NFIA: variants seen among roughly 807,000 people sequenced by gnomAD.
NFIA encodes the protein nuclear factor 1 A-type.
NFIA carries 8 observed loss-of-function variants against 62.8 expected under a neutral mutation model. The ratio of observed to expected loss-of-function variants is 0.13; its 90% CI spans 0.07 to 0.23. The LOEUF (loss-of-function observed/expected upper bound fraction) is 0.23. Ranked by LOEUF, NFIA falls within the 10% of genes least tolerant of loss-of-function variation. NFIA has a pLI of 1.00. For synonymous variants in NFIA, 235 were observed against 238.1 expected (o/e 0.99, Z 0.12); for missense variants, 410 against 642.1 (o/e 0.64, Z 3.91).
chr1:61,085,192 T>TA (rs968339023), intron 1 of NFIA, among the ~76,000 whole-genome samples: 14 of 151,572 alleles, frequency 9.2e-5, no homozygotes, highest in South Asian at 2.1e-4. Flanking sequence ...GTAGGCAATT[T>TA]AAAAAAAAAC....
intron 2 of NFIA, among the ~76,000 whole-genome samples, chr1:61,258,784 G>A (rs1248543883): frequency 1.3e-5 from 2 of 151,930 alleles, no homozygotes; most frequent in South Asian, 2.1e-4. Flanking sequence ...GCTGGAGTGG[G>A]GTGACATGAT....
At chr1:61,338,945 T>C (rs1325585436) in intron 4 of NFIA, among the ~76,000 whole-genome samples, 3 of 152,212 alleles carry the variant, frequency 2.0e-5, no homozygotes, top group South Asian at 2.1e-4. Flanking sequence ...CAAGATCTTC[T>C]TTCAAAAGAA....
chr1:61,402,039 T>TTTTC (rs1553182659), intron 7 of NFIA, among the ~76,000 whole-genome samples: 3 of 135,626 alleles, frequency 2.2e-5, no homozygotes, highest in East Asian at 2.1e-4. Flanking sequence ...TTTTCTTTTT[T>TTTTC]TTTTTTTTTT....
intron 2 of NFIA, among the ~76,000 whole-genome samples, chr1:61,152,438 C>T (rs1648486108): frequency 6.6e-6 from 1 of 152,086 alleles, no homozygotes. Flanking sequence ...CAGGCAGGCA[C>T]TTGTAAATAA....
At chr1:61,125,309 A>G (rs1646949532) in intron 2 of NFIA, 1 of 152,170 alleles carries the variant, frequency 6.6e-6, no homozygotes, top group Non-Finnish European at 1.5e-5. Flanking sequence ...TTGTATTCTA[A>G]AGCAAAGTCA....
intron 3 of NFIA, among the ~76,000 whole-genome samples, chr1:61,281,164 G>A (rs144629147): frequency 0.017 from 2,631 of 151,804 alleles, 59 homozygotes; most frequent in Non-Finnish European, 0.021. Context: ...TCTTGAATCC[G>A]GGCAGCAGAT....
At chr1:61,260,649 C>T (rs926785795) in intron 2 of NFIA, among the ~76,000 whole-genome samples, 8 of 152,282 alleles carry the variant, frequency 5.3e-5, no homozygotes, top group South Asian at 4.1e-4. Flanking sequence ...GGCCTGATCT[C>T]GGCTCACTGC....
At chr1:61,108,447 C>T (rs1375651233) in intron 2 of NFIA, among the ~76,000 whole-genome samples, 2 of 151,426 alleles carry the variant, frequency 1.3e-5, no homozygotes, top group African/African-American at 4.8e-5. Flanking sequence ...TTATATTCAG[C>T]GATATTTACA....
chr1:61,141,038 C>CT (rs1647481393), intron 2 of NFIA, among the ~76,000 whole-genome samples: 1 of 134,126 alleles, frequency 7.5e-6, no homozygotes, highest in Non-Finnish European at 1.5e-5. Context: ...AGAATGGAGA[C>CT]TCGATGCCAA....
At chr1:61,169,469 G>T (rs537509731) in intron 2 of NFIA, among the ~76,000 whole-genome samples, 37 of 152,258 alleles carry the variant, frequency 2.4e-4, no homozygotes, top group African/African-American at 8.4e-4. Flanking sequence ...AATGCTATCA[G>T]CTCTTCCTGA....
chr1:61,163,565 A>C (rs1009671650), intron 2 of NFIA, among the ~76,000 whole-genome samples: 1 of 152,180 alleles, frequency 6.6e-6, no homozygotes. Context: ...TTTTAGACCT[A>C]ACTAGTATTG....
chr1:61,127,060 G>T (rs1280057665), intron 2 of NFIA, among the ~76,000 whole-genome samples: 2 of 146,436 alleles, frequency 1.4e-5, no homozygotes, highest in Non-Finnish European at 3.0e-5. Flanking sequence ...AAAGCGCTGA[G>T]ATTAAAATAG....
intron 4 of NFIA, among the ~76,000 whole-genome samples, chr1:61,333,047 GCACACA>G (rs71050120): frequency 6.9e-6 from 1 of 144,688 alleles, no homozygotes; most frequent in African/African-American, 2.5e-5. Context: ...TAGCATGCAC[GCACACA>G]CACACACACA....
intron 4 of NFIA, among the ~76,000 whole-genome samples, chr1:61,334,908 C>G (rs1661518933): frequency 6.6e-6 from 1 of 152,054 alleles, no homozygotes; most frequent in African/African-American, 2.4e-5. Flanking sequence ...TATCCCAAAG[C>G]TTATCAGTTC....
At chr1:61,318,655 T>G (rs181900877) in intron 3 of NFIA, among the ~76,000 whole-genome samples, 75 of 152,322 alleles carry the variant, frequency 4.9e-4, no homozygotes, top group Non-Finnish European at 2.5e-4. Flanking sequence ...AGCAAATGGA[T>G]TTGGTCTGTT....
At chr1:61,250,530 G>A (rs1655960582) in intron 2 of NFIA, among the ~76,000 whole-genome samples, 1 of 151,998 alleles carries the variant, frequency 6.6e-6, no homozygotes, top group Admixed American at 6.6e-5. Context: ...CTGTATGATT[G>A]GCCAAATTTT....
intron 2 of NFIA, among the ~76,000 whole-genome samples, chr1:61,156,788 TG>T (rs1450107888): frequency 6.6e-6 from 1 of 152,236 alleles, no homozygotes; most frequent in Non-Finnish European, 1.5e-5. Context: ...AATCAGATGT[TG>T]AAGAAAGTAC....
intron 2 of NFIA, among the ~76,000 whole-genome samples, chr1:61,113,610 A>AG (rs1227732029): frequency 6.6e-6 from 1 of 151,370 alleles, no homozygotes; most frequent in Admixed American, 6.6e-5. Context: ...AAAAAAAAAA[A>AG]AAAAAAGAGA....
At chr1:61,331,582 AT>A (rs1231275335) in intron 3 of NFIA, among the ~76,000 whole-genome samples, 1 of 152,092 alleles carries the variant, frequency 6.6e-6, no homozygotes, top group East Asian at 1.9e-4. Context: ...TCGGCCAACA[AT>A]TTTTTGACCC....
Sources: allele counts gnomAD v4.1 joint callset (sites outside exome capture counted in the v4.1 genomes callset), GRCh38; gene constraint gnomAD v4.1.1; transcripts MANE v1.5; gene names NCBI Gene and HGNC (gene_info 2026-07-23, HGNC 2026-07-21).